Variants in BBS9 observed in about 807,000 individuals in gnomAD.
BBS9 encodes Bardet-Biedl syndrome 9.
Under a neutral mutation model 117.7 loss-of-function variants are expected in BBS9, and 89 were observed. The ratio of observed to expected loss-of-function variants is 0.76; its 90% CI spans 0.64 to 0.90. The LOEUF is 0.90. BBS9 is among the 40% of genes least tolerant of loss of function. BBS9 has a pLI of 0.00. For missense variants in BBS9, 982 were observed against 1,042.2 expected (o/e 0.94, Z 0.80); for synonymous variants, 379 against 370.9 (o/e 1.02, Z -0.25).
At chr7:33,318,092 A>G (rs1306235691) in intron 9 of BBS9, among the ~76,000 whole-genome samples, 1 of 152,184 alleles carries the variant, frequency 6.6e-6, no homozygotes, top group Non-Finnish European at 1.5e-5. Flanking sequence ...ACTCTGTCTC[A>G]AACAAAACAA....
At chr7:33,241,413 A>G (rs1433917868) in intron 5 of BBS9, among the ~76,000 whole-genome samples, 2 of 152,084 alleles carry the variant, frequency 1.3e-5, no homozygotes, top group Non-Finnish European at 2.9e-5. Context: ...ATTTTTATTT[A>G]TCCCACTTGG....
At chr7:33,166,156 T>A (rs1386059082) in intron 4 of BBS9, among the ~76,000 whole-genome samples, 1 of 152,236 alleles carries the variant, frequency 6.6e-6, no homozygotes, top group Admixed American at 6.5e-5. Context: ...TGTCTGGGTA[T>A]CAGCAGCAGA....
chr7:33,357,385 A>G (rs993972987), intron 15 of BBS9, among the ~76,000 whole-genome samples: 6 of 151,768 alleles, frequency 4.0e-5, no homozygotes, highest in African/African-American at 1.2e-4. Flanking sequence ...CATCAAGTAA[A>G]AAAAGCTAAA....
chr7:33,421,035 A>G (rs1176236280), intron 19 of BBS9, among the ~76,000 whole-genome samples: 1 of 152,358 alleles, frequency 6.6e-6, no homozygotes, highest in East Asian at 1.9e-4. Context: ...AAAGAACTTC[A>G]TGCAGAATGT....
At chr7:33,364,849 C>T (rs1821366023) in intron 16 of BBS9, among the ~76,000 whole-genome samples, 1 of 151,134 alleles carries the variant, frequency 6.6e-6, no homozygotes, top group Admixed American at 6.6e-5. Context: ...CGACCTCAGC[C>T]TCCCAAGTAG....
chr7:33,139,919 C>T (rs17169805), intron 1 of BBS9, among the ~76,000 whole-genome samples: 2,077 of 151,880 alleles, frequency 0.014, 57 homozygotes, highest in African/African-American at 0.048. Context: ...GTTGGTCACT[C>T]CCTTTTTCTA....
intron 17 of BBS9, among the ~76,000 whole-genome samples, chr7:33,368,864 T>C (rs1182074500): frequency 6.6e-6 from 1 of 152,152 alleles, no homozygotes; most frequent in Admixed American, 6.5e-5. Flanking sequence ...TTCTGGAATA[T>C]GTCAATTGGT....
intron 19 of BBS9, among the ~76,000 whole-genome samples, chr7:33,435,131 G>A (rs1275480234): frequency 6.6e-6 from 1 of 152,134 alleles, no homozygotes; most frequent in East Asian, 1.9e-4. Context: ...ACCGCATGTT[G>A]AGAAGGTCAG....
In BBS9 at chr7:33,141,940, T is replaced by C. The variant is rs181744061; in HGVS notation, c.-11-4302T>C. 5.3e-3 allele frequency among the ~76,000 whole-genome samples: 787 copies of C among 148,332 alleles called. 9 individuals are homozygous for C. The highest frequency in any genetic ancestry group is 0.018 in the African/African-American group (743 of 40,754). ...CAAGTGTCAGTTATGTTTTAAATTC[T>C]TTTTTTTTTTCTCGAGATGGAGTCT... On this transcript the variant is annotated intron_variant, in intron 1 of 22. Coordinates refer to ENST00000242067, the MANE Select transcript of BBS9 (RefSeq NM_198428.3).
intron 10 of BBS9, among the ~76,000 whole-genome samples, chr7:33,339,512 G>A (rs950905405): frequency 6.6e-6 from 1 of 152,216 alleles, no homozygotes; most frequent in African/African-American, 2.4e-5. Context: ...GGGAATGCCT[G>A]ATAGCAGTTG....
At chr7:33,545,896 A>G (rs996009230) in intron 21 of BBS9, among the ~76,000 whole-genome samples, 5 of 133,030 alleles carry the variant, frequency 3.8e-5, no homozygotes, top group African/African-American at 1.4e-4. Flanking sequence ...TAAAAATTGG[A>G]TCATACTATA....
chr7:33,302,762 G>A lies in BBS9; in HGVS notation c.1016+28806G>A, dbSNP rs578020211. On this transcript the variant is annotated intron_variant, in intron 9 of 22. Transcript: ENST00000242067. ...CTTAGGATAGCTTTGGCTATTCTGG[G>A]TCTTTCGTGGTTCCATATAAATTGT... 3.9e-5 allele frequency among the ~76,000 whole-genome samples: 6 copies of A among 152,164 alleles called. No homozygotes were observed. The South Asian group carries it at 1.0e-3, about 26-fold the overall frequency.
chr7:33,237,903 A>G (rs753727565), intron 5 of BBS9, among the ~76,000 whole-genome samples: 4 of 152,188 alleles, frequency 2.6e-5, no homozygotes, highest in Non-Finnish European at 5.9e-5. Context: ...TTCAGTGGAT[A>G]GAAATTGTGT....
At chr7:33,361,300 A>T (rs1012126500) in intron 16 of BBS9, among the ~76,000 whole-genome samples, 1 of 152,244 alleles carries the variant, frequency 6.6e-6, no homozygotes, top group Non-Finnish European at 1.5e-5. Flanking sequence ...GTCATTTGAT[A>T]ATAGTCTTTT....
chr7:33,427,621 A>G (rs937454731), intron 19 of BBS9, among the ~76,000 whole-genome samples: 3 of 152,192 alleles, frequency 2.0e-5, no homozygotes, highest in African/African-American at 7.2e-5. Context: ...TTAGTTTTAC[A>G]GTTCTTGTAC....
chr7:33,420,023 C>T (rs1431122542), intron 19 of BBS9, among the ~76,000 whole-genome samples: 1 of 152,056 alleles, frequency 6.6e-6, no homozygotes, highest in East Asian at 1.9e-4. Flanking sequence ...CCTCATTTCA[C>T]AGGAGAATAA....
intron 19 of BBS9, among the ~76,000 whole-genome samples, chr7:33,487,036 A>AT (rs1843208791): frequency 6.6e-6 from 1 of 152,244 alleles, no homozygotes. Flanking sequence ...ATTGGAATTC[A>AT]ATGCCAGTAT....
At chr7:33,216,472 T>A (rs1789088181) in intron 5 of BBS9, among the ~76,000 whole-genome samples, 1 of 152,234 alleles carries the variant, frequency 6.6e-6, no homozygotes, top group Non-Finnish European at 1.5e-5. Flanking sequence ...AGGTACTATA[T>A]TCCAATCAAG....
chr7:33,420,169 A>G (rs548028681), intron 19 of BBS9, among the ~76,000 whole-genome samples: 1 of 152,210 alleles, frequency 6.6e-6, no homozygotes, highest in Admixed American at 6.5e-5. Flanking sequence ...CTGGTTTTCA[A>G]CCCTGACTAC....
Sources: gnomAD v4.1 joint callset for allele counts (sites outside exome capture counted in the v4.1 genomes callset) on GRCh38, gnomAD v4.1.1 for gene constraint, MANE v1.5 for transcripts, NCBI Gene and HGNC (gene_info 2026-07-23, HGNC 2026-07-21) for gene names.